KCNH1: variants seen among roughly 807,000 people sequenced by gnomAD.
KCNH1 encodes potassium voltage-gated channel subfamily H member 1.
In KCNH1, 27 loss-of-function variants were observed where a neutral mutation model predicts 69.2. The observed-to-expected ratio is 0.39, with a 90% CI of 0.29 to 0.54. KCNH1 has a LOEUF of 0.54. KCNH1 is among the 20% of genes least tolerant of loss of function. The probability of loss-of-function intolerance (pLI) is 0.68; values close to 1 mark genes in which losing one functional copy is unlikely to be tolerated. For missense variants in KCNH1, 798 were observed against 1,261.6 expected (o/e 0.63, Z 5.57); for synonymous variants, 456 against 487.7 (o/e 0.93, Z 0.86).
intron 10 of KCNH1, among the ~76,000 whole-genome samples, chr1:210,708,804 T>C (rs1451132430): frequency 6.6e-6 from 1 of 152,172 alleles, no homozygotes; most frequent in Non-Finnish European, 1.5e-5. Flanking sequence ...ATGGAAAGTC[T>C]CTGTTGGGTT....
chr1:210,775,326 A>G, intron 10 of KCNH1, 22 bp downstream of exon 10: 3 of 1,609,044 alleles, frequency 1.9e-6, no homozygotes, highest in Non-Finnish European at 2.6e-6. Context: ...TTTGTGGAAA[A>G]TAACTGAAAC....
At chr1:210,687,399 G>C (rs1238401202) in intron 10 of KCNH1, among the ~76,000 whole-genome samples, 1 of 152,198 alleles carries the variant, frequency 6.6e-6, no homozygotes, top group African/African-American at 2.4e-5. Context: ...AGGGCCTGTT[G>C]GTGGAACCAT....
intron 1 of KCNH1, among the ~76,000 whole-genome samples, chr1:211,117,799 C>CAA (rs1691608796): frequency 6.6e-6 from 1 of 152,154 alleles, no homozygotes; most frequent in Non-Finnish European, 1.5e-5. Flanking sequence ...ACTAAATCTC[C>CAA]ATGCTTCTGG....
At chr1:210,772,259 C>G (rs1308383956) in intron 10 of KCNH1, among the ~76,000 whole-genome samples, 1 of 152,136 alleles carries the variant, frequency 6.6e-6, no homozygotes, top group Non-Finnish European at 1.5e-5. Context: ...AGAAGATCAA[C>G]AAGATCAAGA....
At chr1:211,109,767 A>G (rs1232069713) in intron 1 of KCNH1, among the ~76,000 whole-genome samples, 1 of 90,380 alleles carries the variant, frequency 1.1e-5, no homozygotes, top group Non-Finnish European at 2.1e-5. Context: ...GAATGAACCA[A>G]AAAAAAACTG....
chr1:210,740,451 C>T (rs567283272), intron 10 of KCNH1, among the ~76,000 whole-genome samples: 58 of 152,108 alleles, frequency 3.8e-4, no homozygotes, highest in Non-Finnish European at 7.8e-4. Flanking sequence ...TTCTTCCTCT[C>T]ATGATTACCT....
At chr1:210,917,460 G>A (rs936701075) in intron 7 of KCNH1, among the ~76,000 whole-genome samples, 6 of 152,006 alleles carry the variant, frequency 3.9e-5, no homozygotes, top group African/African-American at 1.4e-4. Flanking sequence ...GCTTTCCATA[G>A]ACGACTCATT....
intron 6 of KCNH1, among the ~76,000 whole-genome samples, chr1:210,977,712 T>C (rs923533853): frequency 1.3e-5 from 2 of 152,196 alleles, no homozygotes; most frequent in Non-Finnish European, 2.9e-5. Context: ...ATGTTTTACA[T>C]AGTTAAGGTA....
Position 210,684,244 on chromosome 1 carries a change from C to T in KCNH1, c.2113-106G>A, listed in dbSNP as rs1028168552. On this transcript the variant is annotated intron_variant, in intron 10 of 10. Transcript: ENST00000271751. ...TCTTGGCCCTCTGCTTCCAGTCCAC[C>T]TGCCACCAAGAGGCTGGGGCTCACA... 3.9e-5 allele frequency: 48 copies of T among 1,240,464 alleles called. No individual in the cohort carries two copies. The South Asian group carries it at 1.0e-3, about 27-fold the overall frequency. The allele number at this position is 1,240,464 out of a possible 1,614,324, so 76.8% of individuals were successfully genotyped here.
At chr1:211,031,274 C>T (rs1487424134) in intron 5 of KCNH1, among the ~76,000 whole-genome samples, 2 of 152,068 alleles carry the variant, frequency 1.3e-5, no homozygotes, top group Non-Finnish European at 2.9e-5. Flanking sequence ...CAAAAAAAGT[C>T]CAGAACCAGA....
chr1:210,966,408 T>C (rs558850331), intron 6 of KCNH1, among the ~76,000 whole-genome samples: 1 of 152,280 alleles, frequency 6.6e-6, no homozygotes, highest in South Asian at 2.1e-4. Context: ...CTAAAGAGCT[T>C]CTGCACAGCA....
At chr1:210,879,652 T>C (rs1012185015) in intron 7 of KCNH1, among the ~76,000 whole-genome samples, 1 of 152,012 alleles carries the variant, frequency 6.6e-6, no homozygotes, top group Non-Finnish European at 1.5e-5. Context: ...GCTAACAACA[T>C]AGTTAATGGT....
chr1:210,773,810 ACTTT>A (rs1447604360), intron 10 of KCNH1, among the ~76,000 whole-genome samples: 1 of 152,042 alleles, frequency 6.6e-6, no homozygotes, highest in Non-Finnish European at 1.5e-5. Flanking sequence ...TTTCCATTAG[ACTTT>A]AGGTTCCCAG....
chr1:210,969,637 C>T (rs887342994), intron 6 of KCNH1, among the ~76,000 whole-genome samples: 1 of 152,056 alleles, frequency 6.6e-6, no homozygotes, highest in African/African-American at 2.4e-5. Context: ...TTAGGCCTAA[C>T]GTTGTTTGGT....
At chr1:210,883,847 A>C (rs1284733276) in intron 7 of KCNH1, among the ~76,000 whole-genome samples, 2 of 152,264 alleles carry the variant, frequency 1.3e-5, no homozygotes, top group Non-Finnish European at 2.9e-5. Flanking sequence ...CAAGATGTTC[A>C]ACAGAAATTT....
At chr1:210,766,352 C>G (rs1574243335) in intron 10 of KCNH1, among the ~76,000 whole-genome samples, 1 of 152,114 alleles carries the variant, frequency 6.6e-6, no homozygotes, top group Admixed American at 6.5e-5. Flanking sequence ...ATGGAGAAAC[C>G]CCGTCTCTAC....
intron 4 of KCNH1, among the ~76,000 whole-genome samples, chr1:211,088,406 G>A (rs1348876243): frequency 6.6e-6 from 1 of 152,098 alleles, no homozygotes; most frequent in Non-Finnish European, 1.5e-5. Context: ...TACTTTCTAG[G>A]ATCTAGATTT....
intron 1 of KCNH1, among the ~76,000 whole-genome samples, chr1:211,124,571 C>A (rs1006668576): frequency 1.3e-5 from 2 of 152,038 alleles, no homozygotes; most frequent in Non-Finnish European, 1.5e-5. Flanking sequence ...AAGCCGAGAT[C>A]GCGCCACTGC....
chr1:210,971,241 C>G (rs1308848265), intron 6 of KCNH1, among the ~76,000 whole-genome samples: 1 of 152,104 alleles, frequency 6.6e-6, no homozygotes, highest in Non-Finnish European at 1.5e-5. Context: ...GCATGAGCCA[C>G]CACAGCCGAC....
Sources: allele counts gnomAD v4.1 joint callset (sites outside exome capture counted in the v4.1 genomes callset), GRCh38; gene constraint gnomAD v4.1.1; transcripts MANE v1.5; gene names NCBI Gene and HGNC (gene_info 2026-07-23, HGNC 2026-07-21).